Variants in TMEM63A observed in about 807,000 individuals in gnomAD.
The protein encoded by TMEM63A is mechanosensitive cation channel TMEM63A.
In TMEM63A, 76 loss-of-function variants were observed where a neutral mutation model predicts 100.6. The ratio of observed to expected loss-of-function variants is 0.76; its 90% CI spans 0.63 to 0.91. TMEM63A has a LOEUF of 0.91. Among genes scored for constraint, TMEM63A ranks in the 40% least tolerant of loss-of-function variants. TMEM63A has a pLI of 0.00. For missense variants in TMEM63A, 876 were observed against 1,008.8 expected, an observed-to-expected ratio of 0.87 and a Z score of 1.78; for synonymous variants, 401 against 401.1, an observed-to-expected ratio of 1.00 and a Z score of 0.00.
At chr1:225,874,421 A>C in intron 3 of TMEM63A, 54 bp from the exon 4 acceptor site, 1 of 1,526,942 alleles carries the variant, frequency 6.5e-7, no homozygotes, top group Non-Finnish European at 9.0e-7. Flanking sequence ...TCTCATTAGA[A>C]GACACAGCGG....
chr1:225,879,076 CA>C (rs1559054508), intron 2 of TMEM63A, 143 bp downstream of exon 2: 1 of 152,180 alleles, frequency 6.6e-6, no homozygotes, highest in Non-Finnish European at 1.5e-5. Context: ...TGACTCTGAA[CA>C]GAGTGTCACA....
rs1303373270 is a variant in TMEM63A, at chr1:225,858,323, T to G, written c.1377+873A>C. On this transcript the variant is annotated intron_variant, in intron 15 of 24. Coordinates refer to ENST00000366835, the MANE Select transcript of TMEM63A (RefSeq NM_014698.3). ...TTACCTATACAGAATAGTTTGTTTTTTTTTTTTTTTTTTTTTTTTGAGATG... is the reference window on the plus strand; with the variant it reads ...TTACCTATACAGAATAGTTTGTTTTGTTTTTTTTTTTTTTTTTTTGAGATG... 2.6e-3 allele frequency among the ~76,000 whole-genome samples: 359 copies of G among 136,244 alleles called. 1 individual carries two copies. Among genetic ancestry groups the G allele is most frequent in the African/African-American group, 9.2e-3 (335 of 36,492 alleles). The allele number at this position is 136,244 out of a possible 152,430, so 89.4% of individuals were successfully genotyped here. A position where few individuals can be genotyped will look rare whatever the true frequency, so the allele number is the denominator to read the frequency against.
Position 225,866,555 on chromosome 1 carries a change from T to G in TMEM63A, c.675+19A>C. On this transcript the variant is annotated intron_variant, in intron 9 of 24. Coordinates refer to ENST00000366835, the MANE Select transcript of TMEM63A (RefSeq NM_014698.3). ...CTGAGTCCCTCCCAGCACATGTCCC[T>G]AAGTCCCGCCTCACTCACCAGGTTC... 6.2e-7 allele frequency: 1 copy of G among 1,610,596 alleles called. No individual in the cohort carries two copies. Among genetic ancestry groups the G allele is most frequent in the South Asian group, 1.1e-5 (1 of 90,726 alleles).
At chr1:225,863,395 TACC>T (rs1365882266) in intron 10 of TMEM63A, among the ~76,000 whole-genome samples, 2 of 152,182 alleles carry the variant, frequency 1.3e-5, no homozygotes, top group Non-Finnish European at 2.9e-5. Flanking sequence ...GACAAGTTTA[TACC>T]CACTTGGCTT....
intron 13 of TMEM63A, 82 bp from the exon 14 acceptor site, chr1:225,861,079 G>C: frequency 6.8e-7 from 1 of 1,462,386 alleles, no homozygotes; most frequent in South Asian, 1.4e-5. Context: ...CTGAGTAGGA[G>C]TGGGAGGCAG....
chr1:225,847,458 C>T, intron 23 of TMEM63A: 1 of 455,488 alleles, frequency 2.2e-6, no homozygotes, highest in Non-Finnish European at 3.9e-6. Flanking sequence ...CACAAGAGAG[C>T]AGTTCTCAGA....
chr1:225,849,152 ACC>A, intron 21 of TMEM63A, 140 bp from the exon 22 acceptor site: 1 of 626,936 alleles, frequency 1.6e-6, no homozygotes, highest in South Asian at 2.0e-5. Flanking sequence ...GTAAGGCCTA[ACC>A]CCCCACCCCC....
chr1:225,856,480 T>C (rs1320100577), intron 17 of TMEM63A, among the ~76,000 whole-genome samples, 172 bp downstream of exon 17: 2 of 151,910 alleles, frequency 1.3e-5, no homozygotes, highest in Non-Finnish European at 1.5e-5. Context: ...CAATCAATCA[T>C]ATTGCCAGAA....
chr1:225,866,066 C>G, intron 9 of TMEM63A, 99 bp from the exon 10 acceptor site: 4 of 1,275,072 alleles, frequency 3.1e-6, no homozygotes, highest in Non-Finnish European at 4.5e-6. Flanking sequence ...AAGTAAACAA[C>G]AGGAAATCAG....
At chr1:225,860,730 A>G in intron 14 of TMEM63A, 130 bp downstream of exon 14, 1 of 1,217,856 alleles carries the variant, frequency 8.2e-7, no homozygotes, top group East Asian at 2.7e-5. Context: ...TCACAGCATC[A>G]CAGCCCACAG....
At chr1:225,848,422 C>G (rs1669133182) in intron 23 of TMEM63A, 70 bp downstream of exon 23, 3 of 1,518,408 alleles carry the variant, frequency 2.0e-6, no homozygotes, top group Admixed American at 3.9e-5. Context: ...CGGGGCCCAT[C>G]TGGTTGGGAC....
Position 225,868,013 on chromosome 1 carries a change from T to C in TMEM63A, c.389A>G (p.Glu130Gly), listed in dbSNP as rs1396870772. Residue 130 changes from glutamate (E) to glycine (G), a missense_variant, in exon 7 of 25, where the codon GAA (glutamate) becomes GGA (glycine). This residue lies in a region of TMEM63A where 487 missense variants were observed against 581.9 expected (regional missense o/e 0.84). Transcript: ENST00000366835. Reference protein sequence around the residue: ...IFRLHDDQILEWCGEDAIHYL... With the variant: ...IFRLHDDQILGWCGEDAIHYL... ...GTGGATGGCGTCCTCCCCACACCAT[T>C]CCAGGATCTGGTCATCACTGGCCAA... 1.9e-6 allele frequency: 3 copies of C among 1,614,072 alleles called. No homozygotes were observed. The highest frequency in any genetic ancestry group is 2.5e-6 in the Non-Finnish European group (3 of 1,180,010).
chr1:225,867,858 A>G lies in TMEM63A; in HGVS notation c.514+30T>C, dbSNP rs2102631386. ...TAGGACTGCCACTCTGCCCCATTAC[A>G]ACATAGACAAGGGTGAGGAGGGTCA... On this transcript the variant is annotated intron_variant, in intron 7 of 24. Coordinates refer to ENST00000366835, the MANE Select transcript of TMEM63A (RefSeq NM_014698.3). This position sits in a 1 kb window ranked among gnomAD's most constrained non-coding sequence, Gnocchi z 4.6. The G allele has an allele frequency of 1.9e-6, 3 of 1,613,724 alleles. No individual in the cohort carries two copies. Among genetic ancestry groups the G allele is most frequent in the East Asian group, 4.5e-5 (2 of 44,878 alleles).
rs371169629 is a variant in TMEM63A, at chr1:225,847,074, G to T, written c.2390C>A (p.Thr797Lys). Reference protein sequence around the residue: ...IPGQCLAQSATGSVAAAPQEA With the variant: ...IPGQCLAQSAKGSVAAAPQEA ...CTGGGGGGCAGCAGCCACACTGCCC[G>T]TGGCGCTCTGCGCCAAGCACTGTCC... The change falls in exon 24 of 25, where the codon ACG (threonine) becomes AAG (lysine). Residue 797 changes from threonine to lysine, a missense_variant. Thr to Lys is a moderately conservative substitution (Grantham distance 78, BLOSUM62 -1). Coordinates refer to ENST00000366835, the MANE Select transcript of TMEM63A (RefSeq NM_014698.3). 3 of 1,613,256 alleles carry T rather than the reference G, an allele frequency of 1.9e-6. No homozygotes were observed. In the Admixed American group the frequency reaches 5.0e-5, roughly 27 times the overall value.
chr1:225,841,034 AG>A (rs1668358545), downstream of TMEM63A: 1 of 152,244 alleles, frequency 6.6e-6, no homozygotes, highest in Admixed American at 6.5e-5. Context: ...CTCCTTCAAA[AG>A]AACTTGTGAA....
At chr1:225,861,209 G>C (rs1669917101) in intron 13 of TMEM63A, 5 of 425,324 alleles carry the variant, frequency 1.2e-5, no homozygotes, top group African/African-American at 4.1e-5. Flanking sequence ...CAGCAACAAA[G>C]GGAGTACGAT....
At chr1:225,871,010 G>A in intron 6 of TMEM63A, 66 bp downstream of exon 6, 2 of 1,555,072 alleles carry the variant, frequency 1.3e-6, no homozygotes, top group Non-Finnish European at 1.8e-6. Flanking sequence ...CTTGCCTCTT[G>A]ACTGGCCAAA....
At chr1:225,859,071 G>C (rs746453643) in intron 15 of TMEM63A, 125 bp downstream of exon 15, 1 of 1,393,084 alleles carries the variant, frequency 7.2e-7, no homozygotes, top group Non-Finnish European at 9.8e-7. Context: ...GATGTGAGCT[G>C]AGCAACATGA....
At position 225,847,408 on chromosome 1, in the gene TMEM63A, G is replaced by GAA. The variant is rs1388546467; in HGVS notation, c.2251-197_2251-196dup. The GAA allele has an allele frequency of 4.8e-6, 3 of 621,710 alleles. No homozygotes were observed. The African/African-American group carries it at 5.5e-5, about 11-fold the overall frequency. The allele number at this position is 621,710 out of a possible 1,614,324, so 38.5% of individuals were successfully genotyped here. ...ATTTCCTAGCAGCCAGGGCAAAAGA[G>GAA]AAAGCACAGTTATACAGTTCTCATG... On this transcript the variant is annotated intron_variant, in intron 23 of 24. Coordinates refer to ENST00000366835, the MANE Select transcript of TMEM63A (RefSeq NM_014698.3).
Sources: gnomAD v4.1 joint callset for allele counts (sites outside exome capture counted in the v4.1 genomes callset) on GRCh38, gnomAD v4.1.1 for gene constraint, gnomAD v4.1.1 regional missense constraint, Gnocchi (gnomAD v3.1) non-coding constraint, MANE v1.5 for transcripts, NCBI Gene and HGNC (gene_info 2026-07-23, HGNC 2026-07-21) for gene names.